ANKRD11: variants seen among roughly 807,000 people sequenced by gnomAD.
The protein encoded by ANKRD11 is ankyrin repeat domain 11, also known as ankyrin repeat domain-containing protein 11.
ANKRD11 carries 17 observed loss-of-function variants against 195.7 expected under a neutral mutation model. The observed-to-expected ratio is 0.09, with a 90% CI of 0.06 to 0.13. ANKRD11 has a LOEUF of 0.13. Ranked by LOEUF, ANKRD11 falls within the 10% of genes least tolerant of loss-of-function variation. The probability of loss-of-function intolerance (pLI) is 1.00; values close to 1 mark genes in which losing one functional copy is unlikely to be tolerated. For synonymous variants in ANKRD11, 1,953 were observed against 1,528.1 expected (o/e 1.28, Z -6.49); for missense variants, 3,735 against 3,566.1 (o/e 1.05, Z -1.21).
At chr16:89,336,060 C>A (rs2038336822) in intron 2 of ANKRD11, among the ~76,000 whole-genome samples, 1 of 152,200 alleles carries the variant, frequency 6.6e-6, no homozygotes, top group Non-Finnish European at 1.5e-5. Flanking sequence ...GATACTATTC[C>A]TGCCAGTTGG....
At chr16:89,435,692 T>C (rs537594620) in intron 1 of ANKRD11, among the ~76,000 whole-genome samples, 2 of 151,066 alleles carry the variant, frequency 1.3e-5, no homozygotes, top group East Asian at 3.9e-4. Flanking sequence ...TCCAGACACA[T>C]TCACACGCAG....
chr16:89,426,568 A>ACACACACAC (rs1320103877), intron 1 of ANKRD11, among the ~76,000 whole-genome samples: 2 of 81,674 alleles, frequency 2.4e-5, no homozygotes, highest in Admixed American at 1.2e-4. Context: ...CACACACACA[A>ACACACACAC]ATCTGAAATC....
At chr16:89,305,633 C>G in intron 3 of ANKRD11, among the ~76,000 whole-genome samples, 1 of 150,346 alleles carries the variant, frequency 6.7e-6, no homozygotes, top group East Asian at 1.9e-4. Context: ...AGGAGACACA[C>G]ACGCGCTACC....
chr16:89,415,846 A>AAAAAAAAAAAAAT (rs1448507066), intron 2 of ANKRD11, among the ~76,000 whole-genome samples: 1 of 146,488 alleles, frequency 6.8e-6, no homozygotes, highest in African/African-American at 2.5e-5. Flanking sequence ...AAAAAAAAAA[A>AAAAAAAAAAAAAT]AAAACAATGG....
intron 1 of ANKRD11, among the ~76,000 whole-genome samples, chr16:89,435,678 C>A (rs570304636): frequency 6.6e-6 from 1 of 152,012 alleles, no homozygotes; most frequent in Admixed American, 6.6e-5. Flanking sequence ...CGGAAGGAAC[C>A]AATTCCAGAC....
At chr16:89,314,293 T>C (rs573962294) in intron 3 of ANKRD11, among the ~76,000 whole-genome samples, 54 of 150,954 alleles carry the variant, frequency 3.6e-4, no homozygotes, top group African/African-American at 1.3e-3. Context: ...AAACCACACA[T>C]ACAACTGAAC....
At chr16:89,451,645 G>C (rs576125252) in intron 1 of ANKRD11, among the ~76,000 whole-genome samples, 2 of 152,106 alleles carry the variant, frequency 1.3e-5, no homozygotes, top group African/African-American at 4.8e-5. Context: ...TCAAACTCCT[G>C]ACCTCAGGTG....
At chr16:89,274,265 C>T (rs1214368849) in intron 11 of ANKRD11, among the ~76,000 whole-genome samples, 1 of 152,214 alleles carries the variant, frequency 6.6e-6, no homozygotes, top group East Asian at 1.9e-4. Flanking sequence ...AGCCCCACAG[C>T]AGATGGGCAG....
At position 89,279,042 on chromosome 16, in the gene ANKRD11, G is replaced by A. The variant is rs554469556; in HGVS notation, c.7470+30C>T. The A allele has an allele frequency of 9.3e-6, 15 of 1,612,822 alleles. No individual in the cohort carries two copies. The African/African-American group carries it at 1.7e-4, about 19-fold the overall frequency. Reference sequence around the variant, plus strand: ...CCCCAGACGCATCCCAGAGAGAGAAGGCAGTGGCTCTCCCGGGCCCCGCAC... The same window carrying A: ...CCCCAGACGCATCCCAGAGAGAGAAAGCAGTGGCTCTCCCGGGCCCCGCAC... On this transcript the variant is annotated intron_variant, in intron 9 of 12. Transcript: ENST00000301030. This position sits in a 1 kb window ranked among gnomAD's most constrained non-coding sequence, Gnocchi z 5.6.
chr16:89,442,646 A>G (rs1301886173), intron 1 of ANKRD11, among the ~76,000 whole-genome samples: 1 of 152,210 alleles, frequency 6.6e-6, no homozygotes, highest in Admixed American at 6.5e-5. Flanking sequence ...TCCAGGGAGG[A>G]GGCCTGTGTC....
chr16:89,298,878 T>G (rs3096294), intron 4 of ANKRD11: 103,721 of 152,096 alleles, frequency 0.68, 36,270 homozygotes, highest in Non-Finnish European at 0.75. Flanking sequence ...TTCTTAATCA[T>G]GTGAAAATAT....
chr16:89,284,262 C>T lies in ANKRD11; in HGVS notation c.2280G>A (p.Leu760=), dbSNP rs1230759806. Residue 760 remains leucine, a synonymous_variant, in exon 9 of 13, where the codon CTG becomes CTA. Transcript: ENST00000301030. ...EKSPKEEKLR[L]YKEERKKKSK... Reference sequence around the variant, plus strand: ...ATTTCTTCTTTCTCTCCTCTTTGTACAGTCTCAGTTTTTCTTCTTTCGGAG... The same window carrying T: ...ATTTCTTCTTTCTCTCCTCTTTGTATAGTCTCAGTTTTTCTTCTTTCGGAG... The T allele has an allele frequency of 1.9e-6, 3 of 1,613,792 alleles. No homozygotes were observed. In the East Asian group the frequency reaches 6.7e-5, roughly 36 times the overall value.
chr16:89,394,370 C>T lies in ANKRD11; in HGVS notation c.-60+23914G>A, dbSNP rs569928449. On this transcript the variant is annotated intron_variant, in intron 2 of 12. Transcript: ENST00000301030. ...TGGGCCAGGCACAGTGGCTCCCGCC[C>T]GTAATCCCAGCACTTTGGGAGGCCA... Among the ~76,000 whole-genome samples, 126 of 152,302 alleles carry T rather than the reference C, an allele frequency of 8.3e-4. No homozygotes were observed. The South Asian group carries it at 0.012, about 15-fold the overall frequency.
In ANKRD11 at chr16:89,418,284, C is replaced by A. The variant is rs921386184; in HGVS notation, c.-60G>T. The A allele has an allele frequency of 2.2e-6, 1 of 453,950 alleles. No individual in the cohort carries two copies. The highest frequency in any genetic ancestry group is 2.3e-5 in the Admixed American group (1 of 42,576). 28.1% of individuals were successfully genotyped at this position (453,950 alleles called of 1,614,324 possible). A position where few individuals can be genotyped will look rare whatever the true frequency, so the allele number is the denominator to read the frequency against. On this transcript the variant is annotated splice_region_variant and 5_prime_UTR_variant, in exon 2 of 13. Transcript: ENST00000301030. ...GATAGAGAATGCAGTGAGTATTTAC[C>A]GATTCCATAGCTGAAAGTCAGTGCT...
At chr16:89,372,668 G>A in intron 2 of ANKRD11, among the ~76,000 whole-genome samples, 1 of 152,132 alleles carries the variant, frequency 6.6e-6, no homozygotes, top group South Asian at 2.1e-4. Context: ...ACATGAACAA[G>A]TGCAAGGAGG....
chr16:89,317,660 C>A (rs1272841074), intron 2 of ANKRD11, among the ~76,000 whole-genome samples: 1 of 152,256 alleles, frequency 6.6e-6, no homozygotes, highest in Non-Finnish European at 1.5e-5. Context: ...GAGGTCCCAA[C>A]TCCACGCCCA....
chr16:89,482,177 T>C lies in ANKRD11; in HGVS notation c.-145+8068A>G, dbSNP rs917468971. On this transcript the variant is annotated intron_variant, in intron 1 of 12. Transcript: ENST00000301030. ...TGTCTAGTTTCAGAAGTCCCTTCTA[T>C]AAAACATGTAGCTCCTTCCAGCTAA... 8.5e-5 allele frequency among the ~76,000 whole-genome samples: 13 copies of C among 152,206 alleles called. No homozygotes were observed. In the South Asian group the frequency reaches 1.1e-3, roughly 12 times the overall value.
chr16:89,303,077 G>A (rs569829072), intron 4 of ANKRD11, among the ~76,000 whole-genome samples: 2 of 152,284 alleles, frequency 1.3e-5, no homozygotes, highest in African/African-American at 4.8e-5. Context: ...AAAGAGACCT[G>A]AGCAGCCAGA....
rs141558326 is a variant in ANKRD11, at chr16:89,432,034, CAA to C, written c.-144-13668_-144-13667del. On this transcript the variant is annotated intron_variant, in intron 1 of 12. Coordinates refer to ENST00000301030, the MANE Select transcript of ANKRD11 (RefSeq NM_013275.6). ...ACTGCAACCGCTCTGACTTCTAGTT[CAA>C]GAGTGTCTCAGTATTTCTTTACCTA... 3.8e-3 allele frequency among the ~76,000 whole-genome samples: 573 copies of C among 152,220 alleles called. 2 individuals carry two copies. The highest frequency in any genetic ancestry group is 0.013 in the African/African-American group (554 of 41,536).
Sources: gnomAD v4.1 joint callset for allele counts (sites outside exome capture counted in the v4.1 genomes callset) on GRCh38, gnomAD v4.1.1 for gene constraint, Gnocchi (gnomAD v3.1) non-coding constraint, MANE v1.5 for transcripts, NCBI Gene and HGNC (gene_info 2026-07-23, HGNC 2026-07-21) for gene names.